The following KLRD1 variants were observed in gnomAD, a reference collection of about 807,000 sequenced individuals.
KLRD1 encodes natural killer cells antigen CD94.
Under a neutral mutation model 22.6 loss-of-function variants are expected in KLRD1, and 21 were observed. The ratio of observed to expected loss-of-function variants is 0.93; its 90% CI spans 0.66 to 1.34. The LOEUF is 1.34. KLRD1 is among the 40% of genes most tolerant of loss of function. The pLI is 0.00. For synonymous variants in KLRD1, 59 were observed against 71.1 expected (o/e 0.83, Z 0.85); for missense variants, 183 against 208.6 (o/e 0.88, Z 0.76).
intron 1 of KLRD1, among the ~76,000 whole-genome samples, chr12:10,251,702 T>G (rs1949347933): frequency 6.6e-6 from 1 of 151,812 alleles, no homozygotes; most frequent in African/African-American, 2.4e-5. Context: ...GATAGTCCCA[T>G]CTGGGGGTGA....
intron 1 of KLRD1, among the ~76,000 whole-genome samples, chr12:10,247,447 T>C (rs1386632023): frequency 1.3e-5 from 2 of 152,202 alleles, no homozygotes; most frequent in Non-Finnish European, 1.5e-5. Context: ...GATGTACTAA[T>C]TTTTGTATAA....
intron 1 of KLRD1, among the ~76,000 whole-genome samples, chr12:10,256,808 TATG>T (rs1370094899): frequency 6.6e-6 from 1 of 152,052 alleles, no homozygotes; most frequent in Non-Finnish European, 1.5e-5. Context: ...TATATCTTCA[TATG>T]ATGATGATGA....
rs185051284 is a variant in KLRD1, at chr12:10,319,623, G to C, written c.*4830G>C. The C allele has an allele frequency of 2.0e-5, 3 of 152,244 alleles. No individual in the cohort carries two copies. The East Asian group carries it at 5.8e-4, about 29-fold the overall frequency. The allele number at this position is 152,244 out of a possible 1,614,324, so 9.4% of individuals were successfully genotyped here. A position where few individuals can be genotyped will look rare whatever the true frequency, so the allele number is the denominator to read the frequency against. ...AGCAGCCCTGTTGAAAGGACCATGCGGCAAGGAACTGAAGACTCTTACACA... is the reference window on the plus strand; with the variant it reads ...AGCAGCCCTGTTGAAAGGACCATGCCGCAAGGAACTGAAGACTCTTACACA... On this transcript the variant is annotated 3_prime_UTR_variant, in exon 6 of 6. Coordinates refer to ENST00000336164, the MANE Select transcript of KLRD1 (RefSeq NM_002262.5).
intron 1 of KLRD1, among the ~76,000 whole-genome samples, chr12:10,250,912 G>T (rs1949340600): frequency 6.6e-6 from 1 of 152,078 alleles, no homozygotes; most frequent in African/African-American, 2.4e-5. Flanking sequence ...TTCTGGTTAA[G>T]GAAAGGATAA....
At chr12:10,280,444 ATTTC>A (rs1158314863) in intron 1 of KLRD1, among the ~76,000 whole-genome samples, 1 of 152,114 alleles carries the variant, frequency 6.6e-6, no homozygotes, top group Non-Finnish European at 1.5e-5. Context: ...CTTTGTTTTT[ATTTC>A]TTTATTATTA....
At chr12:10,256,506 T>G (rs1949397691) in intron 1 of KLRD1, among the ~76,000 whole-genome samples, 1 of 150,788 alleles carries the variant, frequency 6.6e-6, no homozygotes, top group Non-Finnish European at 1.5e-5. Flanking sequence ...TTGTGTTAAC[T>G]TAAAGATTAT....
chr12:10,254,431 C>CAAAAA (rs71300165), intron 1 of KLRD1, among the ~76,000 whole-genome samples: 3 of 86,930 alleles, frequency 3.5e-5, no homozygotes, highest in African/African-American at 9.7e-5. Flanking sequence ...CACTCCGTCT[C>CAAAAA]AAAAAAAAAA....
chr12:10,250,249 G>A (rs1466098290), intron 1 of KLRD1, among the ~76,000 whole-genome samples: 3 of 128,188 alleles, frequency 2.3e-5, no homozygotes, highest in African/African-American at 8.6e-5. Context: ...TATGAGTGCT[G>A]GAAACCAAGA....
chr12:10,270,678 T>C (rs1170608541), intron 1 of KLRD1, among the ~76,000 whole-genome samples: 1 of 152,180 alleles, frequency 6.6e-6, no homozygotes, highest in Non-Finnish European at 1.5e-5. Context: ...GATGTAGATA[T>C]GCGCTGTTTA....
chr12:10,279,550 G>C (rs1196519081), intron 1 of KLRD1, among the ~76,000 whole-genome samples: 1 of 152,112 alleles, frequency 6.6e-6, no homozygotes, highest in Admixed American at 6.6e-5. Flanking sequence ...CAGGTATTCA[G>C]GGGTTTTCTT....
At position 10,254,567 on chromosome 12, in the gene KLRD1, C is replaced by T. The variant is rs188118930; in HGVS notation, c.-101+28334C>T. 4.0e-4 allele frequency among the ~76,000 whole-genome samples: 61 copies of T among 151,766 alleles called. 1 individual carries two copies. Among genetic ancestry groups the T allele is most frequent in the Non-Finnish European group, 7.5e-4 (51 of 67,928 alleles). On this transcript the variant is annotated intron_variant, in intron 1 of 5. Coordinates refer to the KLRD1 transcript ENST00000544747. ...TCTCGAAGGAACTTAAACAAATCTA[C>T]CAGAGAAAAACAAACAACCCCATTA...
intron 1 of KLRD1, among the ~76,000 whole-genome samples, chr12:10,296,865 C>CT (rs560041345): frequency 8.1e-4 from 123 of 152,310 alleles, no homozygotes; most frequent in African/African-American, 2.7e-3. Flanking sequence ...TATAAATTCT[C>CT]TACTCTCTTT....
upstream of KLRD1, among the ~76,000 whole-genome samples, chr12:10,307,021 C>A (rs1316597466): frequency 2.0e-5 from 3 of 152,010 alleles, no homozygotes; most frequent in Non-Finnish European, 2.9e-5. Flanking sequence ...ATTGTATTTC[C>A]AGATACTAAA....
chr12:10,324,818 G>GTGTATATATATATATATATATATA lies in KLRD1; in HGVS notation c.*10026_*10027insGTATATATATATATATATATATAT, dbSNP rs750696767. The GTGTATATATATATATATATATATA allele has an allele frequency of 1.4e-3, 102 of 74,120 alleles. 1 individual carries two copies. The highest frequency in any genetic ancestry group is 8.7e-3 in the East Asian group (15 of 1,722). 4.6% of individuals were successfully genotyped at this position (74,120 alleles called of 1,614,324 possible). ...AGTATATATGTATATGTGTGTGTGT[G>GTGTATATATATATATATATATATA]TATATATATATATATATATATATAT... is the stretch of plus-strand genomic sequence containing the variant. On this transcript the variant is annotated 3_prime_UTR_variant, in exon 6 of 6. Coordinates refer to ENST00000336164, the MANE Select transcript of KLRD1 (RefSeq NM_002262.5).
At chr12:10,248,582 C>CTTCCTTCT (rs1185242779) in intron 1 of KLRD1, among the ~76,000 whole-genome samples, 1 of 123,538 alleles carries the variant, frequency 8.1e-6, no homozygotes, top group Non-Finnish European at 1.6e-5. Flanking sequence ...TCCTTCCTTC[C>CTTCCTTCT]TTCCCTTCTT....
intron 1 of KLRD1, among the ~76,000 whole-genome samples, chr12:10,283,728 G>A (rs1445745718): frequency 3.3e-5 from 5 of 152,020 alleles, no homozygotes; most frequent in African/African-American, 1.2e-4. Context: ...GGTGAAACAT[G>A]TGTTGCAGGA....
intron 1 of KLRD1, among the ~76,000 whole-genome samples, chr12:10,248,485 GTTTAT>G (rs1222198181): frequency 1.3e-5 from 2 of 150,190 alleles, no homozygotes; most frequent in Admixed American, 6.6e-5. Flanking sequence ...TTATTTTTAT[GTTTAT>G]TTTATTGTGT....
At chr12:10,264,347 C>T (rs193257385) in intron 1 of KLRD1, among the ~76,000 whole-genome samples, 5 of 152,202 alleles carry the variant, frequency 3.3e-5, no homozygotes. Flanking sequence ...TTCTGTTTAT[C>T]AGGATATTTT....
upstream of KLRD1, among the ~76,000 whole-genome samples, chr12:10,301,865 A>G (rs1257616449): frequency 6.6e-6 from 1 of 152,164 alleles, no homozygotes; most frequent in Non-Finnish European, 1.5e-5. Flanking sequence ...ACTTGAACAC[A>G]TGAGGCCATT....
Sources: allele counts gnomAD v4.1 joint callset (sites outside exome capture counted in the v4.1 genomes callset), GRCh38; gene constraint gnomAD v4.1.1; transcripts MANE v1.5; gene names NCBI Gene and HGNC (gene_info 2026-07-23, HGNC 2026-07-21).